Variants in CEP120 observed in about 807,000 individuals in gnomAD.
The protein encoded by CEP120 is centrosomal protein of 120 kDa.
CEP120 carries 113 observed loss-of-function variants against 126.5 expected under a neutral mutation model. The observed-to-expected ratio is 0.89, with a 90% CI of 0.77 to 1.04. CEP120 has a LOEUF of 1.04. Ranked by LOEUF, CEP120 falls within the 50% of genes least tolerant of loss-of-function variation. The pLI, the probability that CEP120 is intolerant of heterozygous loss-of-function variation, is 0.00. For missense variants in CEP120, 1,230 were observed against 1,155.7 expected (o/e 1.06, Z -0.93); for synonymous variants, 400 against 394.3 (o/e 1.01, Z -0.17).
chr5:123,403,615 G>A, intron 4 of CEP120: 1 of 343,218 alleles, frequency 2.9e-6, no homozygotes, highest in Non-Finnish European at 5.6e-6. Flanking sequence ...GTTTACAGTT[G>A]AGAGCACTAA....
chr5:123,364,612 C>A lies in CEP120; in HGVS notation c.2482-18G>T, dbSNP rs756722978. 8.8e-6 allele frequency: 13 copies of A among 1,481,864 alleles called. No individual in the cohort carries two copies. The South Asian group carries it at 1.4e-4, about 16-fold the overall frequency. The allele number at this position is 1,481,864 out of a possible 1,614,324, so 91.8% of individuals were successfully genotyped here. A position where few individuals can be genotyped will look rare whatever the true frequency, so the allele number is the denominator to read the frequency against. On this transcript the variant is annotated intron_variant, in intron 17 of 19. Coordinates refer to ENST00000306467, the MANE Select transcript of CEP120 (RefSeq NM_001375405.1). ...AGTTCAACCTAACAGTGATTAAAAT[C>A]ATATCAAGTGAAACACTATACCACT...
rs1014932233 is a variant in CEP120, at chr5:123,345,908, A to G, written c.*611T>C. 6.6e-6 allele frequency: 1 copy of G among 152,202 alleles called. No individual in the cohort carries two copies. The highest frequency in any genetic ancestry group is 2.4e-5 in the African/African-American group (1 of 41,462). The allele number at this position is 152,202 out of a possible 1,614,324, so 9.4% of individuals were successfully genotyped here. On this transcript the variant is annotated 3_prime_UTR_variant, in exon 20 of 20. Coordinates refer to ENST00000306467, the MANE Select transcript of CEP120 (RefSeq NM_001375405.1). Reference sequence around the variant, plus strand: ...CTTAAAAGTTATAAATACACTGAAAATTTGAAAATTCAATAGCTCTTGAAA... The same window carrying G: ...CTTAAAAGTTATAAATACACTGAAAGTTTGAAAATTCAATAGCTCTTGAAA...
intron 1 of CEP120, among the ~76,000 whole-genome samples, chr5:123,420,005 A>G (rs1774620861): frequency 6.6e-6 from 1 of 152,194 alleles, no homozygotes; most frequent in Non-Finnish European, 1.5e-5. Flanking sequence ...GGTACAAGCT[A>G]CTTGTGGGGG....
intron 14 of CEP120, among the ~76,000 whole-genome samples, chr5:123,379,060 C>A (rs148826200): frequency 4.0e-5 from 6 of 151,814 alleles, no homozygotes; most frequent in South Asian, 4.2e-4. Context: ...GTCAAAGAAG[C>A]CAAATAGAGG....
At chr5:123,409,483 T>C (rs1445461488) in intron 4 of CEP120, among the ~76,000 whole-genome samples, 1 of 152,146 alleles carries the variant, frequency 6.6e-6, no homozygotes, top group Admixed American at 6.5e-5. Context: ...ATTCATCAGG[T>C]ACAAGACAAG....
At chr5:123,359,748 T>C (rs1206992434) in intron 18 of CEP120, among the ~76,000 whole-genome samples, 2 of 152,018 alleles carry the variant, frequency 1.3e-5, no homozygotes, top group African/African-American at 4.8e-5. Context: ...TTACCACTGG[T>C]ACGGTTGTGA....
intron 5 of CEP120, among the ~76,000 whole-genome samples, chr5:123,395,029 C>T (rs1455573492): frequency 6.6e-6 from 1 of 152,206 alleles, no homozygotes; most frequent in Admixed American, 6.5e-5. Flanking sequence ...GAAGAACACA[C>T]TAACCATTAC....
At chr5:123,416,711 A>G (rs1165584551) in intron 2 of CEP120, among the ~76,000 whole-genome samples, 2 of 152,202 alleles carry the variant, frequency 1.3e-5, no homozygotes, top group East Asian at 3.8e-4. Context: ...GCCATCATGT[A>G]GGTCAATGTT....
At chr5:123,405,254 C>A (rs1773564268) in intron 4 of CEP120, among the ~76,000 whole-genome samples, 1 of 107,510 alleles carries the variant, frequency 9.3e-6, no homozygotes, top group African/African-American at 3.8e-5. Context: ...TTGGTGTGAA[C>A]CAGCCTGAGA....
intron 9 of CEP120, 21 bp from the exon 10 acceptor site, chr5:123,386,688 A>C (rs1206231392): frequency 7.0e-7 from 1 of 1,430,158 alleles, no homozygotes; most frequent in Non-Finnish European, 9.2e-7. Context: ...AAAAAAAAAA[A>C]AAAAAAAAAA....
At chr5:123,381,028 A>AAGTT (rs140040168) in intron 14 of CEP120, among the ~76,000 whole-genome samples, 7,321 of 152,170 alleles carry the variant, frequency 0.048, 240 homozygotes, top group East Asian at 0.1. Flanking sequence ...GGTGAGAATT[A>AAGTT]AGTTAGAAAA....
intron 18 of CEP120, 96 bp from the exon 19 acceptor site, chr5:123,350,185 C>T: frequency 9.0e-7 from 1 of 1,115,884 alleles, no homozygotes; most frequent in Non-Finnish European, 1.3e-6. Context: ...TTGACAACAC[C>T]CATGATATAG....
chr5:123,361,932 A>G (rs1770106120), intron 18 of CEP120, among the ~76,000 whole-genome samples: 1 of 151,822 alleles, frequency 6.6e-6, no homozygotes, highest in Non-Finnish European at 1.5e-5. Context: ...CCAAAGTCAG[A>G]GAGGTAGAAC....
chr5:123,401,576 A>G (rs528613043), intron 4 of CEP120: 16 of 1,388,342 alleles, frequency 1.2e-5, no homozygotes, highest in Admixed American at 5.0e-5. Flanking sequence ...GACGCTGTTC[A>G]TGTCCAGGGA....
At chr5:123,404,558 C>T (rs189953897) in intron 4 of CEP120, among the ~76,000 whole-genome samples, 18 of 151,574 alleles carry the variant, frequency 1.2e-4, no homozygotes, top group African/African-American at 3.9e-4. Context: ...GGGAAGAGAA[C>T]GAAAAGGCCA....
intron 17 of CEP120, among the ~76,000 whole-genome samples, chr5:123,366,192 A>G (rs918876228): frequency 2.4e-4 from 37 of 151,784 alleles, no homozygotes; most frequent in African/African-American, 7.7e-4. Flanking sequence ...CTGTGATTCT[A>G]AAGAAATATA....
chr5:123,394,304 C>T (rs4836534), intron 5 of CEP120, among the ~76,000 whole-genome samples: 109,634 of 152,076 alleles, frequency 0.72, 39,743 homozygotes, highest in African/African-American at 0.78. Flanking sequence ...GAAGACAATT[C>T]TTCCACAAAC....
chr5:123,400,531 G>A (rs1042483147), intron 4 of CEP120, among the ~76,000 whole-genome samples: 10 of 151,996 alleles, frequency 6.6e-5, no homozygotes, highest in South Asian at 4.2e-4. Flanking sequence ...GGAATTGAAG[G>A]TGTCAATCTG....
Position 123,389,900 on chromosome 5 carries a change from TAAAC to T in CEP120, c.1255+20_1255+23del. The T allele has an allele frequency of 1.9e-6, 3 of 1,590,102 alleles. No individual in the cohort carries two copies. The highest frequency in any genetic ancestry group is 2.6e-6 in the Non-Finnish European group (3 of 1,158,768). ...CAAAATGCAATACCTCAAAGATCTA[TAAAC>T]AAACAACAAAAAACCTTACCTTTTG... On this transcript the variant is annotated intron_variant, in intron 8 of 19. Transcript: ENST00000306467.
Sources: gnomAD v4.1 joint callset for allele counts (sites outside exome capture counted in the v4.1 genomes callset) on GRCh38, gnomAD v4.1.1 for gene constraint, MANE v1.5 for transcripts, NCBI Gene and HGNC (gene_info 2026-07-23, HGNC 2026-07-21) for gene names.